Variants in MVB12B observed in about 807,000 individuals in gnomAD.
The protein encoded by MVB12B is ESCRT-I complex subunit MVB12B.
A neutral mutation model predicts 41.6 loss-of-function variants in MVB12B; 16 were observed. The ratio of observed to expected loss-of-function variants is 0.38; its 90% CI spans 0.26 to 0.58. The LOEUF (loss-of-function observed/expected upper bound fraction) is 0.58, where lower values mean the gene tolerates loss of function less well. Ranked by LOEUF, MVB12B falls within the 20% of genes least tolerant of loss-of-function variation. MVB12B has a pLI of 0.62. For synonymous variants in MVB12B, 133 were observed against 139.7 expected, an observed-to-expected ratio of 0.95 and a Z score of 0.34; for missense variants, 274 against 380.2, an observed-to-expected ratio of 0.72 and a Z score of 2.32.
chr9:126,501,718 A>G (rs988856582), intron 9 of MVB12B, among the ~76,000 whole-genome samples: 2 of 152,144 alleles, frequency 1.3e-5, no homozygotes. Flanking sequence ...ATGCTCCTTC[A>G]TGGTTGGATG....
chr9:126,414,042 A>C (rs1434610699), intron 6 of MVB12B, among the ~76,000 whole-genome samples: 1 of 152,226 alleles, frequency 6.6e-6, no homozygotes, highest in African/African-American at 2.4e-5. Flanking sequence ...ACATTTTAAA[A>C]ATTCACACAG....
chr9:126,481,259 C>T (rs920473005), intron 7 of MVB12B, 110 bp from the exon 8 acceptor site: 5 of 924,510 alleles, frequency 5.4e-6, no homozygotes, highest in African/African-American at 4.9e-5. Context: ...TGTCACCTGG[C>T]TCCATCCAGT....
At chr9:126,345,980 A>G (rs1829575688) in intron 2 of MVB12B, among the ~76,000 whole-genome samples, 1 of 152,256 alleles carries the variant, frequency 6.6e-6, no homozygotes, top group Non-Finnish European at 1.5e-5. Context: ...GAAATCCAGT[A>G]TCCTGAGAAG....
intron 7 of MVB12B, among the ~76,000 whole-genome samples, chr9:126,444,348 T>C (rs1386471693): frequency 6.6e-6 from 1 of 152,190 alleles, no homozygotes; most frequent in Non-Finnish European, 1.5e-5. Context: ...TTTGGTTTGG[T>C]TTTCCACACA....
chr9:126,495,743 A>G (rs759539085), intron 9 of MVB12B, among the ~76,000 whole-genome samples: 3 of 152,016 alleles, frequency 2.0e-5, no homozygotes, highest in Non-Finnish European at 2.9e-5. Context: ...GTATCTCCCT[A>G]TGTTTTTTTC....
At chr9:126,413,531 C>T (rs962575727) in intron 6 of MVB12B, among the ~76,000 whole-genome samples, 11 of 152,144 alleles carry the variant, frequency 7.2e-5, no homozygotes, top group African/African-American at 2.2e-4. Flanking sequence ...GTCCTTTTGT[C>T]GCATTACTTC....
chr9:126,402,409 G>A (rs1054932866), intron 6 of MVB12B, among the ~76,000 whole-genome samples: 9 of 151,774 alleles, frequency 5.9e-5, no homozygotes, highest in African/African-American at 1.9e-4. Flanking sequence ...AGGCTGAGAC[G>A]GGAGGATCAC....
intron 3 of MVB12B, among the ~76,000 whole-genome samples, chr9:126,384,522 T>C (rs547490798): frequency 2.5e-4 from 38 of 152,156 alleles, no homozygotes; most frequent in African/African-American, 8.4e-4. Flanking sequence ...CAACTTGATA[T>C]ATGTGTGTGT....
intron 2 of MVB12B, among the ~76,000 whole-genome samples, chr9:126,361,873 T>A (rs530033653): frequency 1.4e-5 from 2 of 147,348 alleles, no homozygotes; most frequent in African/African-American, 5.1e-5. Flanking sequence ...GTGATTGCGT[T>A]ACTGCACTCC....
At chr9:126,449,389 C>T (rs980388814) in intron 7 of MVB12B, among the ~76,000 whole-genome samples, 1 of 152,086 alleles carries the variant, frequency 6.6e-6, no homozygotes, top group East Asian at 1.9e-4. Context: ...ACCCGCAGGC[C>T]CTTTCCCTTG....
intron 2 of MVB12B, among the ~76,000 whole-genome samples, chr9:126,373,238 C>G (rs1830390348): frequency 6.6e-6 from 1 of 152,258 alleles, no homozygotes; most frequent in Non-Finnish European, 1.5e-5. Flanking sequence ...CTGGATTAGT[C>G]AAATGCCTCT....
chr9:126,470,674 G>GTGTGTT (rs397947510), intron 7 of MVB12B, among the ~76,000 whole-genome samples: 3 of 145,472 alleles, frequency 2.1e-5, no homozygotes, highest in Admixed American at 2.0e-4. Context: ...GTGTGTGTGT[G>GTGTGTT]TGTAATCCAG....
intron 9 of MVB12B, among the ~76,000 whole-genome samples, chr9:126,489,655 G>A (rs1161665591): frequency 2.0e-5 from 3 of 152,300 alleles, no homozygotes; most frequent in South Asian, 2.1e-4. Flanking sequence ...CAACTCAAAC[G>A]CCGTCACCCT....
rs1159015778 is a variant in MVB12B at position 126,391,344 on chromosome 9, G to A, written c.410-722G>A. Among the ~76,000 whole-genome samples, 1 of 152,194 alleles carries A rather than the reference G, an allele frequency of 6.6e-6. No individual in the cohort carries two copies. Among genetic ancestry groups the A allele is most frequent in the East Asian group, 1.9e-4 (1 of 5,184 alleles). On this transcript the variant is annotated intron_variant, in intron 4 of 9. Transcript: ENST00000361171. The surrounding 1 kb of genome is among the most constrained non-coding windows in gnomAD (Gnocchi z 4.4). Reference sequence around the variant, plus strand: ...TGGTTGTTCCAGAGTCAAATGATCTGGGAGGCCTGACACCCAGAGGCAGTG... The same window carrying A: ...TGGTTGTTCCAGAGTCAAATGATCTAGGAGGCCTGACACCCAGAGGCAGTG...
At chr9:126,433,278 T>C (rs907534012) in intron 7 of MVB12B, among the ~76,000 whole-genome samples, 2 of 152,072 alleles carry the variant, frequency 1.3e-5, no homozygotes, top group Non-Finnish European at 1.5e-5. Flanking sequence ...TCTCAGATCC[T>C]TTCCCAGCCA....
chr9:126,454,788 GTT>G (rs56075883), intron 7 of MVB12B, among the ~76,000 whole-genome samples: 15 of 147,376 alleles, frequency 1.0e-4, no homozygotes, highest in East Asian at 5.9e-4. Context: ...CCATAATTGA[GTT>G]TTTTTTTTTT....
In MVB12B at chr9:126,395,840, T is replaced by C; in HGVS notation, c.662+143T>C. ...AGAAGCAATATATCTTTAGAGGAGA[T>C]TTTTAAAAATCCACTTGGAAATCTT... On this transcript the variant is annotated intron_variant, in intron 6 of 9. Coordinates refer to ENST00000361171, the MANE Select transcript of MVB12B (RefSeq NM_033446.3). The surrounding 1 kb of genome is among the most constrained non-coding windows in gnomAD (Gnocchi z 4.9). 5 of 1,447,814 alleles carry C rather than the reference T, an allele frequency of 3.5e-6. No individual in the cohort carries two copies. The highest frequency in any genetic ancestry group is 4.5e-6 in the Non-Finnish European group (5 of 1,101,546). The allele number at this position is 1,447,814 out of a possible 1,614,324, so 89.7% of individuals were successfully genotyped here.
intron 6 of MVB12B, among the ~76,000 whole-genome samples, chr9:126,403,002 G>A (rs890422748): frequency 3.3e-5 from 5 of 152,214 alleles, no homozygotes. Flanking sequence ...CTCTGGAGGG[G>A]TCGAACCTGA....
rs190024118 is a variant in MVB12B, at chr9:126,376,228, G to A, written c.205-4836G>A. Reference sequence around the variant, plus strand: ...CCTCAAATTGTTCCTTTTTAAAAACGTTTTCATAATACTCTGTTCTTGTTT... The same window carrying A: ...CCTCAAATTGTTCCTTTTTAAAAACATTTTCATAATACTCTGTTCTTGTTT... On this transcript the variant is annotated intron_variant, in intron 2 of 9. Transcript: ENST00000361171. This position sits in a 1 kb window ranked among gnomAD's most constrained non-coding sequence, Gnocchi z 4.1. Among the ~76,000 whole-genome samples the A allele has an allele frequency of 2.0e-5, 3 of 152,134 alleles. No individual in the cohort carries two copies. Among genetic ancestry groups the A allele is most frequent in the Admixed American group, 1.3e-4 (2 of 15,292 alleles).
Sources: allele counts gnomAD v4.1 joint callset (sites outside exome capture counted in the v4.1 genomes callset), GRCh38; gene constraint gnomAD v4.1.1; non-coding constraint Gnocchi (gnomAD v3.1); transcripts MANE v1.5; gene names NCBI Gene and HGNC (gene_info 2026-07-23, HGNC 2026-07-21).